CEP89: variants seen among roughly 807,000 people sequenced by gnomAD.
The protein encoded by CEP89 is centrosomal protein 89, also known as centrosomal protein of 89 kDa.
Under a neutral mutation model 97.6 loss-of-function variants are expected in CEP89, and 95 were observed. That is an observed-to-expected ratio of 0.97 (90% confidence interval 0.82 to 1.15). The LOEUF (loss-of-function observed/expected upper bound fraction) is 1.15, where lower values mean the gene tolerates loss of function less well. Ranked by LOEUF, CEP89 falls within the 50% of genes most tolerant of loss-of-function variation. The pLI is 0.00. For missense variants in CEP89, 869 were observed against 947.7 expected (o/e 0.92, Z 1.09); for synonymous variants, 354 against 349.1 (o/e 1.01, Z -0.16).
At chr19:32,971,062 G>A (rs1212528064) in intron 1 of CEP89, 1 of 154,970 alleles carries the variant, frequency 6.5e-6, no homozygotes, top group African/African-American at 2.4e-5. Flanking sequence ...GAATCCCCTT[G>A]GCTGCTACGT....
intron 16 of CEP89, among the ~76,000 whole-genome samples, chr19:32,890,332 G>C (rs921823015): frequency 6.6e-6 from 1 of 152,084 alleles, no homozygotes; most frequent in African/African-American, 2.4e-5. Flanking sequence ...CCCAGGAGGC[G>C]GAGGTTGCAG....
chr19:32,956,660 C>G (rs1274330744), intron 3 of CEP89, among the ~76,000 whole-genome samples: 1 of 152,158 alleles, frequency 6.6e-6, no homozygotes, highest in African/African-American at 2.4e-5. Flanking sequence ...AACCACCACA[C>G]TTGACTTCCA....
At chr19:32,889,277 C>A (rs1216035059) in intron 16 of CEP89, among the ~76,000 whole-genome samples, 1 of 152,152 alleles carries the variant, frequency 6.6e-6, no homozygotes, top group Non-Finnish European at 1.5e-5. Context: ...TACAGAGGAC[C>A]AAGAGCCCTG....
Position 32,901,270 on chromosome 19 carries a change from G to C in CEP89, c.1708C>G (p.Leu570Val), listed in dbSNP as rs925788806. 2 of 1,612,230 alleles carry C rather than the reference G, an allele frequency of 1.2e-6. No individual in the cohort carries two copies. Among genetic ancestry groups the C allele is most frequent in the Admixed American group, 1.7e-5 (1 of 59,354 alleles). Residue 570 changes from leucine to valine, a missense_variant, in exon 15 of 19, where the codon CTT (leucine) becomes GTT (valine). Transcript: ENST00000305768. ...CTATTGATTTTCTGTGCTCGTTCAA[G>C]TTCGGCTTCCAGTGCTTTGTTTTGC... is the stretch of plus-strand genomic sequence containing the variant. Reference protein sequence around the residue: ...TEQNKALEAELERAQKINRKS... With the variant: ...TEQNKALEAEVERAQKINRKS...
At position 32,899,091 on chromosome 19, in the gene CEP89, CA is replaced by C. The variant is rs1969706518; in HGVS notation, c.1875+765del. On this transcript the variant is annotated intron_variant, in intron 16 of 18. Transcript: ENST00000305768. Reference sequence around the variant, plus strand: ...TTAAAAAGAAAAAAATGTTTTGTAACATTTTTTGAGAATGGTATCTCAAGAC... The same window carrying C: ...TTAAAAAGAAAAAAATGTTTTGTAACTTTTTTGAGAATGGTATCTCAAGAC... 2.0e-5 allele frequency among the ~76,000 whole-genome samples: 3 copies of C among 147,646 alleles called. No individual in the cohort carries two copies. In the South Asian group the frequency reaches 6.5e-4, roughly 32 times the overall value.
At chr19:32,903,069 C>T (rs1036014918) in intron 14 of CEP89, among the ~76,000 whole-genome samples, 1 of 151,862 alleles carries the variant, frequency 6.6e-6, no homozygotes, top group Non-Finnish European at 1.5e-5. Context: ...TAGCCACATG[C>T]GGTGGCTCAC....
At chr19:32,939,536 G>T (rs953047057) in intron 6 of CEP89, among the ~76,000 whole-genome samples, 1 of 151,782 alleles carries the variant, frequency 6.6e-6, no homozygotes, top group Non-Finnish European at 1.5e-5. Context: ...AAATTAGCTG[G>T]GTGTGGTGGC....
At chr19:32,967,790 G>A (rs961801742) in intron 1 of CEP89, among the ~76,000 whole-genome samples, 1 of 152,226 alleles carries the variant, frequency 6.6e-6, no homozygotes, top group African/African-American at 2.4e-5. Flanking sequence ...GACATTGGTT[G>A]CAGTGCTCGG....
At chr19:32,967,857 C>T (rs1971317015) in intron 1 of CEP89, among the ~76,000 whole-genome samples, 1 of 152,128 alleles carries the variant, frequency 6.6e-6, no homozygotes, top group Non-Finnish European at 1.5e-5. Context: ...GAGGGTGGGG[C>T]TTGGGGGCAT....
rs1166861088 is a variant in CEP89 at position 32,923,543 on chromosome 19, C to T, written c.1165-1G>A. On this transcript the variant is annotated splice_acceptor_variant, in intron 11 of 18. Transcript: ENST00000305768. LOFTEE classifies it high-confidence loss of function. ...GCATCCTAAACATTCTCATTTCCTC[C>T]TGAAATAAAATGTACGTAAATTATA... is the stretch of plus-strand genomic sequence containing the variant. 2 of 1,561,486 alleles carry T rather than the reference C, an allele frequency of 1.3e-6. No individual in the cohort carries two copies. The highest frequency in any genetic ancestry group is 1.4e-5 in the African/African-American group (1 of 73,874).
At chr19:32,898,476 A>C (rs886066922) in intron 16 of CEP89, among the ~76,000 whole-genome samples, 4 of 152,194 alleles carry the variant, frequency 2.6e-5, no homozygotes, top group Non-Finnish European at 5.9e-5. Flanking sequence ...AGATAGACGA[A>C]ATAAGTTATC....
At chr19:32,907,082 A>G (rs1255513868) in intron 14 of CEP89, among the ~76,000 whole-genome samples, 1 of 152,248 alleles carries the variant, frequency 6.6e-6, no homozygotes, top group East Asian at 1.9e-4. Flanking sequence ...ACCAGGGGCC[A>G]GGCATGGTGG....
chr19:32,882,164 G>C (rs1969298094), intron 17 of CEP89, 151 bp from the exon 18 acceptor site: 1 of 641,426 alleles, frequency 1.6e-6, no homozygotes, highest in Admixed American at 3.0e-5. Flanking sequence ...TGCAAGTCTG[G>C]ATCATAAAAG....
At chr19:32,962,840 G>A (rs1449933390) in intron 2 of CEP89, among the ~76,000 whole-genome samples, 5 of 152,244 alleles carry the variant, frequency 3.3e-5, no homozygotes, top group Admixed American at 6.5e-5. Flanking sequence ...CTCTGCTTAC[G>A]TCTCCTGGAT....
chr19:32,898,831 G>A (rs183778383), intron 16 of CEP89, among the ~76,000 whole-genome samples: 5 of 146,758 alleles, frequency 3.4e-5, no homozygotes, highest in East Asian at 2.0e-4. Context: ...GCAGTGAGCC[G>A]AGATCACGCC....
rs143605505 is a variant in CEP89 at position 32,913,192 on chromosome 19, C to A, written c.1565+2145G>T. 1.4e-3 allele frequency among the ~76,000 whole-genome samples: 205 copies of A among 148,620 alleles called. 1 individual carries two copies. The highest frequency in any genetic ancestry group is 4.9e-3 in the African/African-American group (198 of 40,764). ...ATATTAATTATGTATGTTTCCTATA[C>A]ATAATTATCATATATACCATATGTA... On this transcript the variant is annotated intron_variant, in intron 14 of 18. Coordinates refer to ENST00000305768, the MANE Select transcript of CEP89 (RefSeq NM_032816.5).
intron 6 of CEP89, among the ~76,000 whole-genome samples, chr19:32,939,090 AT>A (rs1311598484): frequency 3.3e-5 from 5 of 151,260 alleles, no homozygotes; most frequent in East Asian, 1.9e-4. Context: ...CTAAAAAAAA[AT>A]TTTTTTTTAA....
rs567666510 is a variant in CEP89, at chr19:32,910,764, T to C, written c.1565+4573A>G. Among the ~76,000 whole-genome samples the C allele has an allele frequency of 7.2e-5, 11 of 152,308 alleles. No homozygotes were observed. In the South Asian group the frequency reaches 2.1e-3, roughly 29 times the overall value. ...AGAGGGACAGGATCATCAATGTCAC[T>C]GTCCTCCACCTCCATGTCTCATCCC... On this transcript the variant is annotated intron_variant, in intron 14 of 18. Transcript: ENST00000305768.
At chr19:32,920,282 A>C (rs969044503) in intron 12 of CEP89, among the ~76,000 whole-genome samples, 1 of 151,856 alleles carries the variant, frequency 6.6e-6, no homozygotes. Flanking sequence ...TGGTGTGATC[A>C]TAGCTCACTG....
Sources: allele counts gnomAD v4.1 joint callset (sites outside exome capture counted in the v4.1 genomes callset), GRCh38; gene constraint gnomAD v4.1.1; transcripts MANE v1.5; gene names NCBI Gene and HGNC (gene_info 2026-07-23, HGNC 2026-07-21).